The following AFF3 variants were observed in gnomAD, a reference collection of about 807,000 sequenced individuals.
AFF3 encodes the protein ALF transcription elongation factor 3, also known as AF4/FMR2 family member 3.
AFF3 carries 32 observed loss-of-function variants against 129.7 expected under a neutral mutation model. The ratio of observed to expected loss-of-function variants is 0.25; its 90% confidence interval spans 0.19 to 0.33. The LOEUF (loss-of-function observed/expected upper bound fraction) is 0.33. Among genes scored for constraint, AFF3 ranks in the 10% least tolerant of loss-of-function variants. AFF3 has a pLI of 1.00. For missense variants in AFF3, 1,373 were observed against 1,592.0 expected (o/e 0.86, Z 2.34); for synonymous variants, 644 against 635.4 (o/e 1.01, Z -0.20).
At chr2:99,595,548 AT>A (rs1317745393) in intron 14 of AFF3, among the ~76,000 whole-genome samples, 2 of 152,118 alleles carry the variant, frequency 1.3e-5, no homozygotes, top group Non-Finnish European at 2.9e-5. Context: ...ATAAATAAAA[AT>A]AATAAAGTTT....
At chr2:99,600,117 C>G (rs1362636498) in intron 14 of AFF3, among the ~76,000 whole-genome samples, 3 of 152,090 alleles carry the variant, frequency 2.0e-5, no homozygotes, top group Non-Finnish European at 4.4e-5. Flanking sequence ...TTGCTAAGAG[C>G]CTTCCCCTCA....
At chr2:99,989,738 T>C (rs532302574) in intron 7 of AFF3, among the ~76,000 whole-genome samples, 2 of 152,314 alleles carry the variant, frequency 1.3e-5, no homozygotes, top group African/African-American at 4.8e-5. Context: ...CAAAATTGTA[T>C]TTTTAATTCT....
At chr2:99,687,553 C>G (rs1675193279) in intron 11 of AFF3, among the ~76,000 whole-genome samples, 1 of 152,104 alleles carries the variant, frequency 6.6e-6, no homozygotes, top group South Asian at 2.1e-4. Flanking sequence ...GAGACAGGAG[C>G]TAGAGGAGAG....
chr2:99,838,221 G>A (rs982583607), intron 7 of AFF3, among the ~76,000 whole-genome samples: 7 of 152,280 alleles, frequency 4.6e-5, no homozygotes, highest in Admixed American at 4.6e-4. Context: ...ACACAGCCAA[G>A]AGTGCAGGAT....
chr2:99,784,066 A>G (rs1311476970), intron 8 of AFF3, among the ~76,000 whole-genome samples: 1 of 152,258 alleles, frequency 6.6e-6, no homozygotes, highest in Non-Finnish European at 1.5e-5. Flanking sequence ...TAACCTCTGC[A>G]GATGCCTTGC....
At chr2:99,559,013 C>A in intron 21 of AFF3, 45 bp from the exon 22 acceptor site, 5 of 1,560,144 alleles carry the variant, frequency 3.2e-6, no homozygotes, top group Non-Finnish European at 4.4e-6. Context: ...CTGAGTGCGT[C>A]GTGCGCAAAC....
intron 7 of AFF3, among the ~76,000 whole-genome samples, chr2:99,942,988 G>C (rs1290278228): frequency 6.6e-6 from 1 of 152,094 alleles, no homozygotes; most frequent in Non-Finnish European, 1.5e-5. Context: ...TTCTGCGTTA[G>C]AGAAAACCAT....
chr2:99,911,868 C>T (rs1483818236), intron 7 of AFF3, among the ~76,000 whole-genome samples: 2 of 152,180 alleles, frequency 1.3e-5, no homozygotes, highest in East Asian at 3.9e-4. Flanking sequence ...AGCAATTTAA[C>T]ATTTTAAAAG....
At chr2:99,983,368 ATC>A (rs2104524509) in intron 7 of AFF3, among the ~76,000 whole-genome samples, 1 of 151,966 alleles carries the variant, frequency 6.6e-6, no homozygotes, top group South Asian at 2.1e-4. Context: ...TCTTGATCCT[ATC>A]TCTGTTTTTT....
chr2:100,105,287 G>A (rs1691199383), intron 3 of AFF3: 10 of 1,181,004 alleles, frequency 8.5e-6, no homozygotes, highest in Non-Finnish European at 1.1e-5. Flanking sequence ...GGCCGCCCAG[G>A]CGCGGGGAGA....
chr2:99,951,009 T>C (rs535573545), intron 7 of AFF3, among the ~76,000 whole-genome samples: 2 of 152,314 alleles, frequency 1.3e-5, no homozygotes, highest in Admixed American at 1.3e-4. Flanking sequence ...CCACTGAAAA[T>C]AGAGGTCATA....
chr2:99,849,208 G>T (rs1689957996), intron 7 of AFF3, among the ~76,000 whole-genome samples: 1 of 152,082 alleles, frequency 6.6e-6, no homozygotes, highest in Non-Finnish European at 1.5e-5. Context: ...GATGGCAATA[G>T]TAAGAGAATG....
chr2:100,076,065 T>C (rs1199785029), intron 4 of AFF3, among the ~76,000 whole-genome samples: 1 of 152,108 alleles, frequency 6.6e-6, no homozygotes, highest in African/African-American at 2.4e-5. Flanking sequence ...GCTGCAGACA[T>C]GTAAATGTCT....
intron 4 of AFF3, among the ~76,000 whole-genome samples, chr2:100,078,278 A>G (rs975831724): frequency 3.3e-5 from 5 of 152,224 alleles, no homozygotes; most frequent in Admixed American, 3.3e-4. Context: ...AGATACTGTA[A>G]GCGAATATAC....
At chr2:99,889,051 A>G (rs190010714) in intron 7 of AFF3, among the ~76,000 whole-genome samples, 1 of 152,224 alleles carries the variant, frequency 6.6e-6, no homozygotes, top group East Asian at 1.9e-4. Context: ...CTTAAAACCT[A>G]GGAGGAGGAC....
rs118167816 is a variant in AFF3 at position 99,677,487 on chromosome 2, C to T, written c.1092-4898G>A. 5.3e-5 allele frequency among the ~76,000 whole-genome samples: 8 copies of T among 152,200 alleles called. No individual in the cohort carries two copies. In the East Asian group the frequency reaches 1.5e-3, roughly 29 times the overall value. ...TGCGATTAAGCGATTGAGATTCCAC[C>T]TATTTTTACTTGGGAACTTGTCCTT... On this transcript the variant is annotated intron_variant, in intron 11 of 24. Transcript: ENST00000672756.
intron 11 of AFF3, among the ~76,000 whole-genome samples, chr2:99,689,473 C>T (rs1050417255): frequency 6.6e-6 from 1 of 151,976 alleles, no homozygotes; most frequent in Non-Finnish European, 1.5e-5. Context: ...GCTCAGTGAC[C>T]TTATTGAATT....
chr2:99,577,619 G>T (rs974742542), intron 18 of AFF3, among the ~76,000 whole-genome samples: 31 of 152,204 alleles, frequency 2.0e-4, no homozygotes, highest in Non-Finnish European at 5.9e-5. Flanking sequence ...TGCTAAAGCT[G>T]AAAAGAGGAT....
chr2:99,970,176 C>T (rs1294578839), intron 7 of AFF3, among the ~76,000 whole-genome samples: 2 of 152,128 alleles, frequency 1.3e-5, no homozygotes, highest in African/African-American at 2.4e-5. Context: ...GGCATTTACT[C>T]GATAGCTAAC....
Sources: gnomAD v4.1 joint callset for allele counts (sites outside exome capture counted in the v4.1 genomes callset) on GRCh38, gnomAD v4.1.1 for gene constraint, MANE v1.5 for transcripts, NCBI Gene and HGNC (gene_info 2026-07-23, HGNC 2026-07-21) for gene names.